The following AK9 variants were observed in gnomAD, a reference collection of about 807,000 sequenced individuals.
AK9 encodes the protein adenylate kinase domain containing 1.
A neutral mutation model predicts 239.6 loss-of-function variants in AK9; 191 were observed. The ratio of observed to expected loss-of-function variants is 0.80; its 90% CI spans 0.71 to 0.90. AK9 has a LOEUF of 0.90. Ranked by LOEUF, AK9 falls within the 40% of genes least tolerant of loss-of-function variation. The pLI is 0.00. For missense variants in AK9, 1,995 were observed against 2,214.7 expected (o/e 0.90, Z 1.99); for synonymous variants, 689 against 721.0 (o/e 0.96, Z 0.71).
At chr6:109,600,799 A>G (rs935537538) in intron 17 of AK9, among the ~76,000 whole-genome samples, 19 of 152,202 alleles carry the variant, frequency 1.2e-4, no homozygotes, top group African/African-American at 4.6e-4. Context: ...TTCCTGGTTT[A>G]GTCTTGGGAG....
At chr6:109,665,966 G>C (rs568559661) in intron 5 of AK9, among the ~76,000 whole-genome samples, 1 of 152,332 alleles carries the variant, frequency 6.6e-6, no homozygotes, top group African/African-American at 2.4e-5. Context: ...GCAACTGTTT[G>C]CAGGAATGCT....
rs1440032234 is a variant in AK9 at position 109,579,652 on chromosome 6, T to C, written c.2115-26A>G. ...CTGAAATGAAAAGGTTCAAATTTAA[T>C]TATCTTTGGAAATTCAGACTTCTCA... On this transcript the variant is annotated intron_variant, in intron 19 of 40. Coordinates refer to ENST00000424296, the MANE Select transcript of AK9 (RefSeq NM_001145128.3). The C allele has an allele frequency of 9.7e-6, 15 of 1,538,884 alleles. 1 individual carries two copies. The highest frequency in any genetic ancestry group is 3.6e-5 in the South Asian group (3 of 83,304).
Position 109,506,347 on chromosome 6 carries a change from T to C in AK9, c.4829A>G (p.Tyr1610Cys). ...CTTACCTGCTTTTATTCTTTCCAGGTATGTCTGCATGTATTTATTCACCAT... is the reference window on the plus strand; with the variant it reads ...CTTACCTGCTTTTATTCTTTCCAGGCATGTCTGCATGTATTTATTCACCAT... ...VQMVNKYMQTYLERIKAGKAA... is the reference protein window; with the variant it reads ...VQMVNKYMQTCLERIKAGKAA... The change falls in exon 35 of 41, where the codon TAC becomes TGC. Residue 1610 changes from tyrosine (Y) to cysteine (C), a missense_variant. Around this residue, in one of 5 missense-constraint regions of AK9, gnomAD observed 391 missense variants for 456.0 expected, o/e 0.86. Transcript: ENST00000424296. 6.2e-7 allele frequency: 1 copy of C among 1,613,642 alleles called. No homozygotes were observed.
At chr6:109,502,762 A>C (rs988490813) in intron 35 of AK9, among the ~76,000 whole-genome samples, 1 of 152,244 alleles carries the variant, frequency 6.6e-6, no homozygotes, top group Non-Finnish European at 1.5e-5. Flanking sequence ...AGCAGCCAGC[A>C]AGGAACTGAG....
rs754026038 is a variant in AK9 at position 109,514,297 on chromosome 6, G to A, written c.4206C>T (p.Arg1402=). Residue 1402 remains arginine, a synonymous_variant, in exon 32 of 41, where the codon CGC becomes CGT. Coordinates refer to ENST00000424296, the MANE Select transcript of AK9 (RefSeq NM_001145128.3). ...KFMKNPIKYI[R]QPKPKPTVPI... ...GCACAGTAGGCTTAGGTTTGGGTTG[G>A]CGGATATATTTGATTGGGTTCTTCA... 5 of 1,551,756 alleles carry A rather than the reference G, an allele frequency of 3.2e-6. No individual in the cohort carries two copies. In the South Asian group the frequency reaches 4.8e-5, roughly 15 times the overall value.
chr6:109,674,107 G>T, intron 3 of AK9, 91 bp downstream of exon 3: 2 of 996,460 alleles, frequency 2.0e-6, no homozygotes, highest in South Asian at 2.0e-5. Context: ...TAGATGGTGA[G>T]TATATGGGCA....
intron 1 of AK9, among the ~76,000 whole-genome samples, chr6:109,677,645 G>A (rs559862162): frequency 6.6e-6 from 1 of 152,152 alleles, no homozygotes; most frequent in East Asian, 1.9e-4. Flanking sequence ...AAAATAAATT[G>A]TTTAGAATAA....
chr6:109,632,526 T>C (rs1230857118), intron 12 of AK9: 4 of 232,764 alleles, frequency 1.7e-5, no homozygotes, highest in East Asian at 3.5e-4. Flanking sequence ...GGGAGGATCA[T>C]CTTTGTAATA....
intron 33 of AK9, 82 bp downstream of exon 33, chr6:109,509,097 T>G: frequency 7.5e-7 from 1 of 1,333,506 alleles, no homozygotes; most frequent in Non-Finnish European, 1.0e-6. Flanking sequence ...TTAAGCCCCA[T>G]GTAAGTGTTT....
chr6:109,554,246 G>A (rs151335982), intron 24 of AK9, among the ~76,000 whole-genome samples: 120 of 152,122 alleles, frequency 7.9e-4, no homozygotes, highest in African/African-American at 2.6e-3. Context: ...CTTTTCAGTT[G>A]TTTGCAATAG....
chr6:109,675,434 A>C (rs184827238), intron 2 of AK9, among the ~76,000 whole-genome samples, 195 bp downstream of exon 2: 71 of 152,290 alleles, frequency 4.7e-4, no homozygotes, highest in African/African-American at 1.7e-3. Flanking sequence ...TGCGATGAGC[A>C]TATGTGTGCA....
intron 10 of AK9, among the ~76,000 whole-genome samples, chr6:109,640,933 CT>C (rs1797346576): frequency 6.6e-6 from 1 of 151,974 alleles, no homozygotes; most frequent in African/African-American, 2.4e-5. Flanking sequence ...TCTTCACATT[CT>C]TTGGTGCTGC....
In AK9 at chr6:109,610,511, G is replaced by A. The variant is rs1278819678; in HGVS notation, c.1696C>T (p.Pro566Ser). The change falls in exon 17 of 41, where the codon CCA becomes TCA. Residue 566 changes from proline (P) to serine (S), a missense_variant and splice_region_variant. Around this residue, in one of 5 missense-constraint regions of AK9, gnomAD observed 1,290 missense variants for 1,392.7 expected, o/e 0.93. Coordinates refer to ENST00000424296, the MANE Select transcript of AK9 (RefSeq NM_001145128.3). Reference sequence around the variant, plus strand: ...ACCTCTTCTATCAAGTCTTCTGTTGGGGCTAAAGTAAAATAAGCTGATAAA... The same window carrying A: ...ACCTCTTCTATCAAGTCTTCTGTTGAGGCTAAAGTAAAATAAGCTGATAAA... ...QDVKLYSDTAPTEDLIEEVTA... is the reference protein window; with the variant it reads ...QDVKLYSDTASTEDLIEEVTA... The A allele has an allele frequency of 1.1e-5, 17 of 1,549,426 alleles. No individual in the cohort carries two copies. Among genetic ancestry groups the A allele is most frequent in the Non-Finnish European group, 1.4e-5 (16 of 1,146,312 alleles).
intron 29 of AK9, among the ~76,000 whole-genome samples, chr6:109,525,279 A>T (rs1432801548): frequency 6.6e-6 from 1 of 152,196 alleles, no homozygotes; most frequent in African/African-American, 2.4e-5. Flanking sequence ...AAAGTCTCCA[A>T]AAGCAATTGC....
chr6:109,521,167 C>T lies in AK9; in HGVS notation c.3634-4525G>A, dbSNP rs77502973. On this transcript the variant is annotated intron_variant, in intron 29 of 40. Transcript: ENST00000424296. ...TTCATAGTATCACAGTTCATTTAAT[C>T]ATTCTTCTCTTTTAAAAATGTGTGT... Among the ~76,000 whole-genome samples the T allele has an allele frequency of 3.7e-3, 566 of 152,092 alleles. 2 individuals are homozygous for T. Among genetic ancestry groups the T allele is most frequent in the African/African-American group, 0.012 (490 of 41,510 alleles).
chr6:109,648,839 T>A (rs1268097844), intron 8 of AK9, among the ~76,000 whole-genome samples: 1 of 152,194 alleles, frequency 6.6e-6, no homozygotes, highest in Non-Finnish European at 1.5e-5. Context: ...GCAAAAATCC[T>A]CAATAAAATA....
At chr6:109,581,168 C>A (rs1442643821) in intron 19 of AK9, among the ~76,000 whole-genome samples, 1 of 152,080 alleles carries the variant, frequency 6.6e-6, no homozygotes, top group Non-Finnish European at 1.5e-5. Context: ...CCTCAGGCCT[C>A]CCTATTCTCT....
intron 12 of AK9, among the ~76,000 whole-genome samples, chr6:109,624,447 C>A (rs764692826): frequency 2.0e-5 from 3 of 152,104 alleles, no homozygotes; most frequent in African/African-American, 7.2e-5. Flanking sequence ...ACTGAAAATG[C>A]CCTCATTCTA....
At chr6:109,656,432 T>C (rs1799709023) in intron 8 of AK9, among the ~76,000 whole-genome samples, 1 of 152,224 alleles carries the variant, frequency 6.6e-6, no homozygotes, top group Non-Finnish European at 1.5e-5. Context: ...AAGCTATAAC[T>C]TACAGATTGA....
Sources: allele counts gnomAD v4.1 joint callset (sites outside exome capture counted in the v4.1 genomes callset), GRCh38; gene constraint gnomAD v4.1.1; regional missense constraint gnomAD v4.1.1; transcripts MANE v1.5; gene names NCBI Gene and HGNC (gene_info 2026-07-23, HGNC 2026-07-21).